The following PARP8 variants were observed in gnomAD, a reference collection of about 807,000 sequenced individuals.
The protein encoded by PARP8 is poly(ADP-ribose) polymerase family member 8.
PARP8 carries 51 observed loss-of-function variants against 124.1 expected under a neutral mutation model. That is an observed-to-expected ratio of 0.41 (90% CI 0.33 to 0.52). PARP8 has a LOEUF of 0.52. PARP8 is among the 20% of genes least tolerant of loss of function. The pLI is 0.21. For missense variants in PARP8, 860 were observed against 1,018.9 expected (o/e 0.84, Z 2.12); for synonymous variants, 391 against 361.5 (o/e 1.08, Z -0.93).
intron 2 of PARP8, among the ~76,000 whole-genome samples, chr5:50,712,197 C>G (rs1183495013): frequency 1.3e-5 from 2 of 152,166 alleles, no homozygotes; most frequent in Non-Finnish European, 2.9e-5. Context: ...ACAGCATATG[C>G]TGACCTTTGG....
At chr5:50,702,979 C>G (rs1451194045) in intron 2 of PARP8, among the ~76,000 whole-genome samples, 2 of 152,058 alleles carry the variant, frequency 1.3e-5, no homozygotes, top group Non-Finnish European at 2.9e-5. Flanking sequence ...GAGAGTTGTA[C>G]AAACAAACCA....
chr5:50,753,127 GT>G (rs931355948), intron 3 of PARP8, among the ~76,000 whole-genome samples: 56 of 147,840 alleles, frequency 3.8e-4, no homozygotes, highest in Non-Finnish European at 6.5e-4. Context: ...TTTGAAGACA[GT>G]TTTTTTTTTA....
chr5:50,742,598 T>C (rs539484929), intron 2 of PARP8, among the ~76,000 whole-genome samples: 1 of 152,296 alleles, frequency 6.6e-6, no homozygotes, highest in East Asian at 1.9e-4. Context: ...GGTAGGTTGT[T>C]ATACGGTGTT....
chr5:50,766,342 C>T (rs1308054056), intron 7 of PARP8, among the ~76,000 whole-genome samples: 1 of 152,130 alleles, frequency 6.6e-6, no homozygotes, highest in African/African-American at 2.4e-5. Flanking sequence ...TTGAATCATT[C>T]AACAAAACGC....
intron 9 of PARP8, among the ~76,000 whole-genome samples, chr5:50,779,835 T>C (rs559342972): frequency 6.6e-6 from 1 of 152,184 alleles, no homozygotes; most frequent in African/African-American, 2.4e-5. Context: ...TTCAAATTTA[T>C]AAAATACAGG....
chr5:50,721,329 A>T (rs1240520641), intron 2 of PARP8, among the ~76,000 whole-genome samples: 1 of 151,968 alleles, frequency 6.6e-6, no homozygotes, highest in East Asian at 1.9e-4. Context: ...ATCCCCCATC[A>T]CCCCAGGTAG....
chr5:50,722,905 T>G, intron 2 of PARP8, among the ~76,000 whole-genome samples: 1 of 152,134 alleles, frequency 6.6e-6, no homozygotes, highest in African/African-American at 2.4e-5. Flanking sequence ...CAGCAGATAA[T>G]TAACTTCTCT....
chr5:50,756,427 T>G (rs532485335), intron 3 of PARP8, among the ~76,000 whole-genome samples: 5 of 152,262 alleles, frequency 3.3e-5, no homozygotes, highest in African/African-American at 1.2e-4. Context: ...AAACAAATTT[T>G]TTTTTACAAA....
At chr5:50,818,184 C>G (rs1434658096) in intron 15 of PARP8, among the ~76,000 whole-genome samples, 1 of 142,408 alleles carries the variant, frequency 7.0e-6, no homozygotes, top group East Asian at 2.2e-4. Flanking sequence ...TAGCCCCCCC[C>G]CCCCCAAAAA....
intron 2 of PARP8, among the ~76,000 whole-genome samples, chr5:50,681,333 A>C (rs1751268582): frequency 6.6e-6 from 1 of 152,026 alleles, no homozygotes; most frequent in East Asian, 1.9e-4. Context: ...TGGCCCTAAA[A>C]TTAGGTGAAT....
chr5:50,669,812 GT>G (rs1252884669), intron 2 of PARP8, among the ~76,000 whole-genome samples: 2 of 152,126 alleles, frequency 1.3e-5, no homozygotes, highest in African/African-American at 4.8e-5. Flanking sequence ...AAAGGATAGT[GT>G]TTTCTTTTGT....
chr5:50,784,541 T>G (rs942529185), intron 9 of PARP8, among the ~76,000 whole-genome samples: 3 of 152,168 alleles, frequency 2.0e-5, no homozygotes, highest in Admixed American at 1.3e-4. Context: ...CCTCTGTGCT[T>G]GCATGATCAG....
chr5:50,792,011 A>G (rs1185342457), intron 10 of PARP8, among the ~76,000 whole-genome samples: 2 of 152,186 alleles, frequency 1.3e-5, no homozygotes, highest in Non-Finnish European at 2.9e-5. Flanking sequence ...AACATGTAAA[A>G]CAGTGTGATG....
Position 50,750,040 on chromosome 5 carries a change from C to A in PARP8, c.147-111C>A, listed in dbSNP as rs140598093. The A allele has an allele frequency of 3.7e-4, 310 of 827,544 alleles. 2 individuals carry two copies. The highest frequency in any genetic ancestry group is 3.7e-3 in the African/African-American group (216 of 58,152). The allele number at this position is 827,544 out of a possible 1,614,324, so 51.3% of individuals were successfully genotyped here. Reference sequence around the variant, plus strand: ...CTGTTTTGGAAGTTTCCTGTTTATACTTACATCTTTATAACTGAATGGGTA... The same window carrying A: ...CTGTTTTGGAAGTTTCCTGTTTATAATTACATCTTTATAACTGAATGGGTA... On this transcript the variant is annotated intron_variant, in intron 2 of 25. Transcript: ENST00000281631.
chr5:50,823,276 G>A (rs1184569810), intron 17 of PARP8, among the ~76,000 whole-genome samples: 1 of 151,884 alleles, frequency 6.6e-6, no homozygotes, highest in Non-Finnish European at 1.5e-5. Flanking sequence ...TATCGCTACT[G>A]CTCTGTAGGA....
At chr5:50,813,136 A>G (rs1288855504) in intron 14 of PARP8, among the ~76,000 whole-genome samples, 1 of 152,202 alleles carries the variant, frequency 6.6e-6, no homozygotes, top group African/African-American at 2.4e-5. Flanking sequence ...GAAGAAAGTC[A>G]TTGGTAGCTT....
At chr5:50,724,193 G>GT (rs1756185896) in intron 2 of PARP8, among the ~76,000 whole-genome samples, 1 of 151,988 alleles carries the variant, frequency 6.6e-6, no homozygotes, top group African/African-American at 2.4e-5. Flanking sequence ...ACGATTGTCT[G>GT]TTTATATTAT....
intron 7 of PARP8, among the ~76,000 whole-genome samples, chr5:50,776,275 T>C (rs1740003655): frequency 6.6e-6 from 1 of 152,236 alleles, no homozygotes. Context: ...TAACGTGCTA[T>C]TGAATTCAGT....
At chr5:50,762,626 T>G (rs1183367744) in intron 6 of PARP8, among the ~76,000 whole-genome samples, 1 of 152,142 alleles carries the variant, frequency 6.6e-6, no homozygotes, top group African/African-American at 2.4e-5. Context: ...GTAAATTTAT[T>G]TATTCAGAAT....
Sources: allele counts gnomAD v4.1 joint callset (sites outside exome capture counted in the v4.1 genomes callset), GRCh38; gene constraint gnomAD v4.1.1; transcripts MANE v1.5; gene names NCBI Gene and HGNC (gene_info 2026-07-23, HGNC 2026-07-21).